The following IL17RD variants were observed in gnomAD, a reference collection of about 807,000 sequenced individuals.
IL17RD encodes interleukin-17 receptor D.
IL17RD carries 52 observed loss-of-function variants against 80.5 expected under a neutral mutation model. The observed-to-expected ratio is 0.65, with a 90% CI of 0.52 to 0.81. IL17RD has a LOEUF of 0.81. Ranked by LOEUF, IL17RD falls within the 40% of genes least tolerant of loss-of-function variation. The probability of loss-of-function intolerance (pLI) is 0.00; values close to 1 mark genes in which losing one functional copy is unlikely to be tolerated. For missense variants in IL17RD, 1,024 were observed against 955.1 expected (o/e 1.07, Z -0.95); for synonymous variants, 416 against 391.8 (o/e 1.06, Z -0.73).
intron 12 of IL17RD, 83 bp downstream of exon 12, chr3:57,097,513 A>G (rs1213129729): frequency 8.8e-7 from 1 of 1,140,776 alleles, no homozygotes; most frequent in Non-Finnish European, 1.3e-6. Context: ...GTTGGCACCA[A>G]AAGTGGAAAA....
At chr3:57,112,699 AG>A (rs201416363) in intron 3 of IL17RD, among the ~76,000 whole-genome samples, 4,407 of 152,372 alleles carry the variant, frequency 0.029, 101 homozygotes, top group Admixed American at 0.044. Context: ...AAACCCCAGT[AG>A]GTTAAAACCC....
chr3:57,101,559 A>G (rs973440973), intron 10 of IL17RD, among the ~76,000 whole-genome samples, 196 bp from the exon 11 acceptor site: 2 of 152,198 alleles, frequency 1.3e-5, no homozygotes, highest in African/African-American at 4.8e-5. Flanking sequence ...CGAATGGTCA[A>G]AAATTGTTCT....
At chr3:57,135,153 A>C (rs1172749848) in intron 1 of IL17RD, among the ~76,000 whole-genome samples, 1 of 151,992 alleles carries the variant, frequency 6.6e-6, no homozygotes, top group East Asian at 1.9e-4. Context: ...CACAAAAAAA[A>C]CAAAGAATGG....
intron 1 of IL17RD, among the ~76,000 whole-genome samples, chr3:57,133,745 C>T (rs1212037936): frequency 2.0e-5 from 3 of 152,126 alleles, no homozygotes; most frequent in Non-Finnish European, 2.9e-5. Flanking sequence ...GTGAGGCAGA[C>T]GCAGCAGATG....
chr3:57,111,437 G>T (rs746054209), intron 3 of IL17RD, among the ~76,000 whole-genome samples: 34 of 152,096 alleles, frequency 2.2e-4, no homozygotes, highest in Admixed American at 4.6e-4. Flanking sequence ...AGCTTCCTGT[G>T]GGGGTGAAAG....
At chr3:57,121,442 G>C (rs1475523381) in intron 1 of IL17RD, among the ~76,000 whole-genome samples, 2 of 152,148 alleles carry the variant, frequency 1.3e-5, no homozygotes, top group Non-Finnish European at 2.9e-5. Flanking sequence ...TGGGCCTTGG[G>C]AAAGCACAAT....
Position 57,127,382 on chromosome 3 carries a change from A to AT in IL17RD, c.127-7070_127-7069insA, listed in dbSNP as rs1491350121. ...TAAATATAAATATATATATATAAAT[A>AT]AATAAATAAATAAATATATATATAT... On this transcript the variant is annotated intron_variant, in intron 1 of 12. Transcript: ENST00000296318. Among the ~76,000 whole-genome samples, 24 of 100,356 alleles carry AT rather than the reference A, an allele frequency of 2.4e-4. No homozygotes were observed. The East Asian group carries it at 4.8e-3, about 20-fold the overall frequency. The allele number at this position is 100,356 out of a possible 152,430, so 65.8% of individuals were successfully genotyped here.
At chr3:57,146,283 C>G (rs1181179659) in intron 1 of IL17RD, among the ~76,000 whole-genome samples, 1 of 152,098 alleles carries the variant, frequency 6.6e-6, no homozygotes, top group Non-Finnish European at 1.5e-5. Flanking sequence ...AACATCTTCC[C>G]TAACACTCTC....
rs142281539 is a variant in IL17RD, at chr3:57,114,827, A to AG, written c.185-11dup. On this transcript the variant is annotated splice_polypyrimidine_tract_variant and intron_variant, in intron 2 of 12. Transcript: ENST00000296318. ...AAGTAGGTGGTACAATCTAGAGAGT[A>AG]GGGAGAATGAGAACAGTTAAATTTA... 2,621 of 1,548,386 alleles carry AG rather than the reference A, an allele frequency of 1.7e-3. 38 individuals carry two copies. The African/African-American group carries it at 0.031, about 18-fold the overall frequency.
At chr3:57,124,477 A>T (rs1243890028) in intron 1 of IL17RD, among the ~76,000 whole-genome samples, 2 of 151,862 alleles carry the variant, frequency 1.3e-5, no homozygotes, top group African/African-American at 4.8e-5. Context: ...TGCAATGAGG[A>T]GAGAGAGAAA....
rs1268151426 is a variant in IL17RD, at chr3:57,090,988, A to G, written c.*5405T>C. 1 of 152,464 alleles carries G rather than the reference A, an allele frequency of 6.6e-6. No individual in the cohort carries two copies. The highest frequency in any genetic ancestry group is 1.5e-5 in the Non-Finnish European group (1 of 68,038). The allele number at this position is 152,464 out of a possible 1,614,324, so 9.4% of individuals were successfully genotyped here. On this transcript the variant is annotated 3_prime_UTR_variant, in exon 13 of 13. Coordinates refer to ENST00000296318, the MANE Select transcript of IL17RD (RefSeq NM_017563.5). Reference sequence around the variant, plus strand: ...TGGTCCAAGCTGAATTTTAAAGAACAAAAGGGCAAGAGGGAAGACAACTGG... The same window carrying G: ...TGGTCCAAGCTGAATTTTAAAGAACGAAAGGGCAAGAGGGAAGACAACTGG...
At chr3:57,155,609 G>C (rs77132474) in intron 1 of IL17RD, among the ~76,000 whole-genome samples, 2 of 149,068 alleles carry the variant, frequency 1.3e-5, no homozygotes, top group South Asian at 2.1e-4. Flanking sequence ...TTTTTTTTTT[G>C]AGACGGAGTC....
At chr3:57,105,550 A>ATATATATAT (rs1210429108) in intron 7 of IL17RD, among the ~76,000 whole-genome samples, 4 of 80,394 alleles carry the variant, frequency 5.0e-5, no homozygotes, top group Admixed American at 3.5e-4. Flanking sequence ...AAAAAAAAAA[A>ATATATATAT]AAATATATAT....
upstream of IL17RD, among the ~76,000 whole-genome samples, chr3:57,166,812 C>T (rs1461517778): frequency 2.0e-5 from 3 of 152,154 alleles, no homozygotes; most frequent in African/African-American, 4.8e-5. Flanking sequence ...ACAGGGCAGC[C>T]TCCTCTATAT....
chr3:57,147,480 T>C (rs1707956464), intron 1 of IL17RD, among the ~76,000 whole-genome samples: 2 of 152,336 alleles, frequency 1.3e-5, no homozygotes, highest in Admixed American at 1.3e-4. Flanking sequence ...CTGGTAAACA[T>C]GTATGAAATG....
chr3:57,154,047 A>T (rs971993641), intron 1 of IL17RD, among the ~76,000 whole-genome samples: 1 of 151,722 alleles, frequency 6.6e-6, no homozygotes, highest in Non-Finnish European at 1.5e-5. Context: ...GGAGTTCGAG[A>T]CTAGCCTGAG....
upstream of IL17RD, among the ~76,000 whole-genome samples, chr3:57,167,951 CT>C (rs2060355023): frequency 6.6e-6 from 1 of 152,118 alleles, no homozygotes; most frequent in Non-Finnish European, 1.5e-5. Context: ...CTGCCTCAGC[CT>C]CCCGAGTAGC....
intron 1 of IL17RD, among the ~76,000 whole-genome samples, chr3:57,159,419 TA>T (rs2060288900): frequency 6.6e-6 from 1 of 152,204 alleles, no homozygotes; most frequent in African/African-American, 2.4e-5. Context: ...GGCATTTTAA[TA>T]GAGCAAATAG....
At chr3:57,106,222 C>A in intron 5 of IL17RD, 68 bp from the exon 6 acceptor site, 1 of 1,134,680 alleles carries the variant, frequency 8.8e-7, no homozygotes, top group Non-Finnish European at 1.3e-6. Flanking sequence ...TCCCAACAAC[C>A]CAATGAAATA....
Sources: allele counts gnomAD v4.1 joint callset (sites outside exome capture counted in the v4.1 genomes callset), GRCh38; gene constraint gnomAD v4.1.1; transcripts MANE v1.5; gene names NCBI Gene and HGNC (gene_info 2026-07-23, HGNC 2026-07-21).